CCDC73: variants seen among roughly 807,000 people sequenced by gnomAD.
The protein encoded by CCDC73 is coiled-coil domain containing 73.
In CCDC73, 95 loss-of-function variants were observed where a neutral mutation model predicts 116.5. The ratio of observed to expected loss-of-function variants is 0.82; its 90% CI spans 0.69 to 0.97. The LOEUF (loss-of-function observed/expected upper bound fraction) is 0.97, where lower values mean the gene tolerates loss of function less well. Ranked by LOEUF, CCDC73 falls within the 50% of genes least tolerant of loss-of-function variation. CCDC73 has a pLI of 0.00. For synonymous variants in CCDC73, 398 were observed against 401.3 expected, an observed-to-expected ratio of 0.99 and a Z score of 0.10; for missense variants, 1,066 against 1,206.8, an observed-to-expected ratio of 0.88 and a Z score of 1.73.
chr11:32,733,301 C>T (rs1002038459), intron 2 of CCDC73, among the ~76,000 whole-genome samples: 1 of 152,184 alleles, frequency 6.6e-6, no homozygotes, highest in Non-Finnish European at 1.5e-5. Flanking sequence ...GAGACTTAGA[C>T]TCCCACACAA....
intron 12 of CCDC73, among the ~76,000 whole-genome samples, chr11:32,652,090 T>C (rs1855830704): frequency 6.6e-6 from 1 of 152,152 alleles, no homozygotes; most frequent in Non-Finnish European, 1.5e-5. Context: ...TTGAAATTTG[T>C]AGACCAAAAC....
At chr11:32,731,406 G>A (rs1290879938) in intron 2 of CCDC73, among the ~76,000 whole-genome samples, 6 of 152,172 alleles carry the variant, frequency 3.9e-5, no homozygotes, top group South Asian at 2.1e-4. Context: ...GTCCCTGTCC[G>A]ACAGCTTTGA....
At chr11:32,745,758 T>C (rs1368349161) in intron 2 of CCDC73, among the ~76,000 whole-genome samples, 3 of 150,820 alleles carry the variant, frequency 2.0e-5, no homozygotes, top group African/African-American at 7.3e-5. Flanking sequence ...TTTTTTTTTT[T>C]TTTGCTTTCC....
At chr11:32,818,247 A>G in the CCDC73 span, among the ~76,000 whole-genome samples, 3 of 152,264 alleles carry the variant, frequency 2.0e-5, no homozygotes, top group Admixed American at 6.5e-5. Flanking sequence ...CCGTAAGTGT[A>G]TTAAGGCAGT....
chr11:32,726,891 A>T (rs193000404), intron 2 of CCDC73, among the ~76,000 whole-genome samples: 247 of 152,296 alleles, frequency 1.6e-3, no homozygotes, highest in African/African-American at 5.7e-3. Flanking sequence ...TAATTTGAAT[A>T]AAAATACAAT....
In CCDC73 at chr11:32,683,561, G is replaced by A. The variant is rs1565075274; in HGVS notation, c.404C>T (p.Ser135Phe). The change falls in exon 7 of 18, where the codon TCT becomes TTT. Residue 135 changes from serine (S) to phenylalanine (F), a missense_variant. Physicochemically the swap from Ser to Phe is radical, Grantham distance 155. Coordinates refer to ENST00000335185, the MANE Select transcript of CCDC73 (RefSeq NM_001008391.4). ...CATTTCACTCACTTTCTTCTGTAAA[G>A]AGTATTTAGAAACCTTGAAAAATAA... ...TLKALQVSKY[S>F]LQKKVSEMEQ... The A allele has an allele frequency of 1.3e-6, 2 of 1,513,192 alleles. No individual in the cohort carries two copies. Among genetic ancestry groups the A allele is most frequent in the Admixed American group, 1.7e-5 (1 of 58,630 alleles). 93.7% of individuals were successfully genotyped at this position (1,513,192 alleles called of 1,614,324 possible).
intron 1 of CCDC73, among the ~76,000 whole-genome samples, chr11:32,771,497 G>T (rs1178326127): frequency 6.6e-6 from 1 of 152,094 alleles, no homozygotes; most frequent in East Asian, 1.9e-4. Context: ...TCCCCTTTTT[G>T]AATGAAAGCA....
At chr11:32,678,147 CG>C (rs1856108484) in intron 7 of CCDC73, among the ~76,000 whole-genome samples, 1 of 151,488 alleles carries the variant, frequency 6.6e-6, no homozygotes, top group Non-Finnish European at 1.5e-5. Flanking sequence ...GATGTGGCAG[CG>C]GGCACCTGTA....
chr11:32,702,945 C>T lies in CCDC73; in HGVS notation c.208-1G>A, dbSNP rs1296646621. On this transcript the variant is annotated splice_acceptor_variant, in intron 3 of 17. Coordinates refer to ENST00000335185, the MANE Select transcript of CCDC73 (RefSeq NM_001008391.4). LOFTEE classifies it high-confidence loss of function. ...TTTCCTTTTGATTCTGAAGAGTTTC[C>T]TGTTTTAAAAATTATGACAAGTTAA... 1.9e-6 allele frequency: 3 copies of T among 1,607,900 alleles called. No individual in the cohort carries two copies. The African/African-American group carries it at 4.0e-5, about 22-fold the overall frequency.
chr11:32,649,805 T>C (rs563196892), intron 12 of CCDC73, among the ~76,000 whole-genome samples: 242 of 152,320 alleles, frequency 1.6e-3, no homozygotes, highest in Non-Finnish European at 2.8e-3. Context: ...GATGTTAAAA[T>C]GTTCTCTTTC....
intron 9 of CCDC73, 77 bp from the exon 10 acceptor site, chr11:32,655,049 A>T: frequency 1.7e-6 from 1 of 585,664 alleles, no homozygotes. Context: ...GACAGTTTCA[A>T]AGTTCATCCT....
the CCDC73 span, chr11:32,829,985 C>T: frequency 2.0e-6 from 2 of 984,446 alleles, no homozygotes; most frequent in Non-Finnish European, 2.4e-6. Flanking sequence ...GTTCCCCGGG[C>T]GCCCCTCTGC....
chr11:32,662,603 G>C (rs1855941191), intron 9 of CCDC73, among the ~76,000 whole-genome samples: 1 of 151,896 alleles, frequency 6.6e-6, no homozygotes, highest in African/African-American at 2.4e-5. Context: ...TGTCAGATGA[G>C]TAGATTGCAA....
the CCDC73 span, among the ~76,000 whole-genome samples, chr11:32,820,642 C>T: frequency 2.0e-5 from 3 of 152,178 alleles, no homozygotes; most frequent in African/African-American, 7.2e-5. Flanking sequence ...AGAGTCTCCA[C>T]ACTTATTGAA....
At chr11:32,650,818 T>C (rs952950093) in intron 12 of CCDC73, among the ~76,000 whole-genome samples, 1 of 152,102 alleles carries the variant, frequency 6.6e-6, no homozygotes, top group Non-Finnish European at 1.5e-5. Flanking sequence ...CAGGTTCAAT[T>C]TGGTTCCATT....
intron 1 of CCDC73, among the ~76,000 whole-genome samples, chr11:32,766,999 G>A (rs1264236609): frequency 6.6e-6 from 1 of 152,220 alleles, no homozygotes; most frequent in African/African-American, 2.4e-5. Context: ...TCAAAGAAGA[G>A]CTCGCATTGC....
intron 17 of CCDC73, 59 bp from the exon 18 acceptor site, chr11:32,603,079 CTG>C: frequency 7.3e-7 from 1 of 1,370,340 alleles, no homozygotes; most frequent in Non-Finnish European, 1.0e-6. Flanking sequence ...TTTAAAGAGT[CTG>C]TAAAGCCTCT....
In CCDC73 at chr11:32,760,205, A is replaced by T. The variant is rs761489983; in HGVS notation, c.39T>A (p.Phe13Leu). The change falls in exon 2 of 18, where the codon TTT (phenylalanine) becomes TTA (leucine). Residue 13 changes from phenylalanine (F) to leucine (L), a missense_variant. Phe to Leu is a conservative substitution (Grantham distance 22, BLOSUM62 0). Transcript: ENST00000335185. Reference protein sequence around the residue: ...SNFNTESSSTFTLQSSSETLF... With the variant: ...SNFNTESSSTLTLQSSSETLF... ...ATGTCTCTGAAGAACTTTGAAGAGT[A>T]AAAGTAGATGATGACTCAGTATTGA... 6.3e-7 allele frequency: 1 copy of T among 1,587,160 alleles called. No homozygotes were observed. The highest frequency in any genetic ancestry group is 1.8e-5 in the Admixed American group (1 of 56,788).
intron 4 of CCDC73, 148 bp from the exon 5 acceptor site, chr11:32,700,974 A>T: frequency 5.2e-6 from 2 of 381,070 alleles, no homozygotes; most frequent in Non-Finnish European, 9.7e-6. Flanking sequence ...CAGAAAATAA[A>T]TAATAATGAT....
Sources: allele counts gnomAD v4.1 joint callset (sites outside exome capture counted in the v4.1 genomes callset), GRCh38; gene constraint gnomAD v4.1.1; transcripts MANE v1.5; gene names NCBI Gene and HGNC (gene_info 2026-07-23, HGNC 2026-07-21).